Variants in IRAG1 observed in about 807,000 individuals in gnomAD.
IRAG1 encodes the protein IP3R-associated cGMP kinase substrate.
Under a neutral mutation model 106.2 loss-of-function variants are expected in IRAG1, and 62 were observed. That is an observed-to-expected ratio of 0.58 (90% CI 0.48 to 0.72). The LOEUF (loss-of-function observed/expected upper bound fraction) is 0.72, where lower values mean the gene tolerates loss of function less well. IRAG1 is among the 30% of genes least tolerant of loss of function. The pLI is 0.00. For missense variants in IRAG1, 1,064 were observed against 1,140.7 expected, an observed-to-expected ratio of 0.93 and a Z score of 0.97; for synonymous variants, 462 against 443.9, an observed-to-expected ratio of 1.04 and a Z score of -0.51.
At position 10,659,043 on chromosome 11, in the gene IRAG1, G is replaced by A. The variant is rs927705510; in HGVS notation, c.68-6861C>T. 6.6e-5 allele frequency among the ~76,000 whole-genome samples: 10 copies of A among 152,076 alleles called. No homozygotes were observed. Among genetic ancestry groups the A allele is most frequent in the Non-Finnish European group, 8.8e-5 (6 of 68,006 alleles). On this transcript the variant is annotated intron_variant, in intron 1 of 20. Coordinates refer to ENST00000423302, the MANE Select transcript of IRAG1 (RefSeq NM_130385.4). The surrounding 1 kb of genome is among the most constrained non-coding windows in gnomAD (Gnocchi z 4.1). The stretch of plus-strand genomic sequence containing the variant: ...GCTGTGCTTGCCCCAGATCTGTGCT[G>A]TGCTTAGTCCCAGGTCTGGGCTGTG...
At chr11:10,641,910 G>A (rs1857543414) in intron 2 of IRAG1, among the ~76,000 whole-genome samples, 1 of 152,222 alleles carries the variant, frequency 6.6e-6, no homozygotes, top group South Asian at 2.1e-4. Context: ...TCCTTCCCAC[G>A]ACACCACGCT....
chr11:10,608,384 G>A (rs1248560330), intron 11 of IRAG1, among the ~76,000 whole-genome samples: 1 of 152,082 alleles, frequency 6.6e-6, no homozygotes, highest in African/African-American at 2.4e-5. Context: ...CTTGCCTTGA[G>A]CCTACAAAGT....
intron 10 of IRAG1, chr11:10,611,783 A>G (rs995994156): frequency 1.3e-5 from 2 of 152,226 alleles, no homozygotes; most frequent in Non-Finnish European, 2.9e-5. Flanking sequence ...AAAGAGTTCA[A>G]TACCACAGAA....
chr11:10,597,157 A>C (rs1299867226), intron 15 of IRAG1, among the ~76,000 whole-genome samples: 2 of 152,236 alleles, frequency 1.3e-5, no homozygotes, highest in Non-Finnish European at 2.9e-5. Flanking sequence ...GCCCAGAAGA[A>C]GGAGATCTGG....
chr11:10,645,771 C>A (rs1857890422), intron 2 of IRAG1, among the ~76,000 whole-genome samples: 2 of 152,200 alleles, frequency 1.3e-5, no homozygotes, highest in South Asian at 4.1e-4. Flanking sequence ...TAGCCTCAAC[C>A]ACTTCCTTAG....
Position 10,584,484 on chromosome 11 carries a change from C to T in IRAG1, c.2241-2498G>A, listed in dbSNP as rs544448637. Among the ~76,000 whole-genome samples, 10 of 146,696 alleles carry T rather than the reference C, an allele frequency of 6.8e-5. No homozygotes were observed. In the South Asian group the frequency reaches 8.6e-4, roughly 13 times the overall value. Reference sequence around the variant, plus strand: ...ATGTGCAGTTTCCTATTTATCCAAACGACTGGAGCAAGAGGAGAAAAACAT... The same window carrying T: ...ATGTGCAGTTTCCTATTTATCCAAATGACTGGAGCAAGAGGAGAAAAACAT... On this transcript the variant is annotated intron_variant, in intron 18 of 20. Transcript: ENST00000423302.
Position 10,628,678 on chromosome 11 carries a change from C to A in IRAG1, c.652+73G>T. On this transcript the variant is annotated intron_variant, in intron 6 of 20. Coordinates refer to ENST00000423302, the MANE Select transcript of IRAG1 (RefSeq NM_130385.4). The surrounding 1 kb of genome is among the most constrained non-coding windows in gnomAD (Gnocchi z 4.1). ...GGAAGCCTGCAGGCTGGGAGGCATG[C>A]TGATCTGTCCAGGCTGAGCTGCCAC... The A allele has an allele frequency of 8.0e-7, 1 of 1,257,320 alleles. No homozygotes were observed. The highest frequency in any genetic ancestry group is 1.1e-6 in the Non-Finnish European group (1 of 927,536). The allele number at this position is 1,257,320 out of a possible 1,614,324, so 77.9% of individuals were successfully genotyped here. A position where few individuals can be genotyped will look rare whatever the true frequency, so the allele number is the denominator to read the frequency against.
chr11:10,683,291 A>G (rs766207981), intron 1 of IRAG1, among the ~76,000 whole-genome samples: 6 of 152,080 alleles, frequency 3.9e-5, no homozygotes, highest in African/African-American at 7.2e-5. Flanking sequence ...GTAGGTTAAT[A>G]AAACATATTT....
At chr11:10,639,985 G>T (rs1327392197) in intron 2 of IRAG1, among the ~76,000 whole-genome samples, 1 of 152,136 alleles carries the variant, frequency 6.6e-6, no homozygotes, top group Non-Finnish European at 1.5e-5. Flanking sequence ...GCTAAGGTCT[G>T]GGAAGACAAA....
At chr11:10,603,069 CT>C in intron 14 of IRAG1, 50 bp downstream of exon 14, 1 of 1,574,918 alleles carries the variant, frequency 6.3e-7, no homozygotes. Flanking sequence ...GATTGCTCTA[CT>C]TTACGTAGGT....
At chr11:10,619,418 A>G (rs1223496403) in intron 10 of IRAG1, among the ~76,000 whole-genome samples, 1 of 152,236 alleles carries the variant, frequency 6.6e-6, no homozygotes, top group Non-Finnish European at 1.5e-5. Flanking sequence ...AATCTGAGCC[A>G]GCTCTCATAA....
chr11:10,619,519 T>C (rs562487286), intron 10 of IRAG1, among the ~76,000 whole-genome samples: 1 of 152,218 alleles, frequency 6.6e-6, no homozygotes, highest in Non-Finnish European at 1.5e-5. Context: ...GTCACAAGTC[T>C]GCAAGTATTC....
intron 1 of IRAG1, among the ~76,000 whole-genome samples, chr11:10,693,311 G>A (rs1034302693): frequency 6.6e-6 from 1 of 152,158 alleles, no homozygotes; most frequent in African/African-American, 2.4e-5. Flanking sequence ...AGCAAAAGGA[G>A]CACAATCTAG....
intron 1 of IRAG1, among the ~76,000 whole-genome samples, chr11:10,686,752 C>T (rs936651294): frequency 1.3e-5 from 2 of 152,216 alleles, no homozygotes; most frequent in Admixed American, 6.5e-5. Context: ...TCTTCTCATA[C>T]TAGTTACTAT....
chr11:10,577,240 A>G (rs913263846), intron 20 of IRAG1, among the ~76,000 whole-genome samples: 14 of 152,188 alleles, frequency 9.2e-5, no homozygotes, highest in Non-Finnish European at 1.8e-4. Context: ...TCTCAACCTC[A>G]TTAATATTTA....
chr11:10,597,922 G>A (rs774076383), intron 15 of IRAG1, among the ~76,000 whole-genome samples: 1 of 152,188 alleles, frequency 6.6e-6, no homozygotes, highest in Non-Finnish European at 1.5e-5. Context: ...CCATCTTGCT[G>A]TTCTTTTCAA....
At chr11:10,638,361 A>G (rs940700481) in intron 2 of IRAG1, among the ~76,000 whole-genome samples, 2 of 152,110 alleles carry the variant, frequency 1.3e-5, no homozygotes, top group African/African-American at 4.8e-5. Flanking sequence ...CCTGGCCCCA[A>G]ATGCATCTGA....
At position 10,626,500 on chromosome 11, in the gene IRAG1, TGGA is replaced by T. The variant is rs1181902664; in HGVS notation, c.831_833del (p.Pro278del). On this transcript the variant is annotated inframe_deletion, in exon 9 of 21. Transcript: ENST00000423302. ...TTGCAATCTCTTTGGACTTCTCAAC[TGGA>T]GGAGGACGAGGAGCCAGCCTGCCCT... is the stretch of plus-strand genomic sequence containing the variant. 13 of 1,613,484 alleles carry T rather than the reference TGGA, an allele frequency of 8.1e-6. No homozygotes were observed. Among genetic ancestry groups the T allele is most frequent in the African/African-American group, 4.0e-5 (3 of 74,930 alleles).
At chr11:10,597,015 A>G (rs1005723806) in intron 15 of IRAG1, among the ~76,000 whole-genome samples, 6 of 152,228 alleles carry the variant, frequency 3.9e-5, no homozygotes, top group Non-Finnish European at 5.9e-5. Context: ...GTTAGGAGGA[A>G]GAAACAGGGC....
Sources: allele counts gnomAD v4.1 joint callset (sites outside exome capture counted in the v4.1 genomes callset), GRCh38; gene constraint gnomAD v4.1.1; non-coding constraint Gnocchi (gnomAD v3.1); transcripts MANE v1.5; gene names NCBI Gene and HGNC (gene_info 2026-07-23, HGNC 2026-07-21).